GRID2: variants seen among roughly 807,000 people sequenced by gnomAD.
The protein encoded by GRID2 is glutamate receptor ionotropic, delta-2.
In GRID2, 33 loss-of-function variants were observed where a neutral mutation model predicts 114.8. That is an observed-to-expected ratio of 0.29 (90% CI 0.22 to 0.38). The LOEUF (loss-of-function observed/expected upper bound fraction) is 0.38. Among genes scored for constraint, GRID2 ranks in the 10% least tolerant of loss-of-function variants. The probability of loss-of-function intolerance (pLI) is 1.00; values close to 1 mark genes in which losing one functional copy is unlikely to be tolerated. For missense variants in GRID2, 1,184 were observed against 1,257.7 expected (o/e 0.94, Z 0.89); for synonymous variants, 505 against 449.9 (o/e 1.12, Z -1.55).
intron 2 of GRID2, among the ~76,000 whole-genome samples, chr4:92,676,428 C>T (rs1174441395): frequency 3.9e-5 from 6 of 152,092 alleles, no homozygotes; most frequent in South Asian, 2.1e-4. Flanking sequence ...GATCTGCCTG[C>T]CTCAGCCTCC....
At chr4:93,025,272 A>C (rs527498760) in intron 2 of GRID2, among the ~76,000 whole-genome samples, 7 of 151,954 alleles carry the variant, frequency 4.6e-5, no homozygotes, top group Non-Finnish European at 7.4e-5. Flanking sequence ...GTTTATGCCA[A>C]ACAGCATTTC....
intron 1 of GRID2, among the ~76,000 whole-genome samples, chr4:92,548,975 C>T (rs927718330): frequency 3.9e-5 from 6 of 152,018 alleles, no homozygotes; most frequent in African/African-American, 1.2e-4. Context: ...TCACCTCCCA[C>T]CAGGACCCAT....
chr4:93,484,387 C>T (rs1276903000), intron 11 of GRID2, among the ~76,000 whole-genome samples: 2 of 151,694 alleles, frequency 1.3e-5, no homozygotes, highest in African/African-American at 4.8e-5. Flanking sequence ...TCATAAAACC[C>T]ATTAATGGTG....
chr4:92,817,344 A>G (rs1301765069), intron 2 of GRID2, among the ~76,000 whole-genome samples: 4 of 152,024 alleles, frequency 2.6e-5, no homozygotes, highest in African/African-American at 9.7e-5. Flanking sequence ...ATTCCTCTCT[A>G]CAAAACTTTT....
chr4:93,163,356 G>GTATATATA (rs57285537), intron 4 of GRID2, among the ~76,000 whole-genome samples: 19 of 56,230 alleles, frequency 3.4e-4, no homozygotes, highest in East Asian at 4.9e-4. Flanking sequence ...TTTTTTTTGT[G>GTATATATA]TATATATATA....
At position 92,339,539 on chromosome 4, in the gene GRID2, A is replaced by G. The variant is rs967722084; in HGVS notation, c.88+34795A>G. ...TTTCATACATTATTATGATCCTCAT[A>G]GTAACCCTATAAATGGAGATGGAAC... On this transcript the variant is annotated intron_variant, in intron 1 of 15. Transcript: ENST00000282020. Among the ~76,000 whole-genome samples, 8 of 144,096 alleles carry G rather than the reference A, an allele frequency of 5.6e-5. No homozygotes were observed. The South Asian group carries it at 1.7e-3, about 31-fold the overall frequency. 94.5% of individuals were successfully genotyped at this position (144,096 alleles called of 152,430 possible).
intron 5 of GRID2, among the ~76,000 whole-genome samples, chr4:93,209,788 G>A (rs1175338297): frequency 1.3e-5 from 2 of 151,938 alleles, no homozygotes; most frequent in Admixed American, 1.3e-4. Context: ...TTTAATAATA[G>A]CCATTATGAC....
intron 1 of GRID2, among the ~76,000 whole-genome samples, chr4:92,524,896 G>A (rs41432446): frequency 3.3e-5 from 5 of 151,950 alleles, no homozygotes; most frequent in Non-Finnish European, 5.9e-5. Context: ...GAAATTATAC[G>A]AATTTGTACA....
chr4:92,426,717 A>G (rs767179876), intron 1 of GRID2, among the ~76,000 whole-genome samples: 48 of 152,144 alleles, frequency 3.2e-4, no homozygotes, highest in Admixed American at 1.2e-3. Context: ...ATTATGTGAA[A>G]TTATCACATA....
At chr4:93,231,378 C>A (rs568893414) in intron 7 of GRID2, among the ~76,000 whole-genome samples, 1 of 141,712 alleles carries the variant, frequency 7.1e-6, no homozygotes, top group Non-Finnish European at 1.5e-5. Flanking sequence ...GGAATTACCC[C>A]GCACCCCCTG....
chr4:93,070,808 G>A (rs771713091), intron 2 of GRID2, among the ~76,000 whole-genome samples: 1 of 151,974 alleles, frequency 6.6e-6, no homozygotes, highest in Non-Finnish European at 1.5e-5. Context: ...CTTTTGAAAT[G>A]AATGTTTACA....
chr4:93,678,809 G>A (rs1018540764), intron 14 of GRID2, among the ~76,000 whole-genome samples: 1 of 151,090 alleles, frequency 6.6e-6, no homozygotes, highest in Non-Finnish European at 1.5e-5. Context: ...ATCAGTACCA[G>A]CCGCTGCAAA....
At chr4:93,094,327 A>G (rs911279283) in intron 3 of GRID2, among the ~76,000 whole-genome samples, 4 of 152,086 alleles carry the variant, frequency 2.6e-5, no homozygotes, top group South Asian at 2.1e-4. Flanking sequence ...TTGCTATGAA[A>G]AAGATAAATA....
intron 12 of GRID2, among the ~76,000 whole-genome samples, chr4:93,513,395 A>G (rs918811981): frequency 6.6e-6 from 1 of 152,194 alleles, no homozygotes; most frequent in East Asian, 1.9e-4. Context: ...TGCTCTCTTG[A>G]AACAAAATTT....
At chr4:92,645,396 A>G (rs899057083) in intron 2 of GRID2, among the ~76,000 whole-genome samples, 4 of 151,808 alleles carry the variant, frequency 2.6e-5, no homozygotes, top group Admixed American at 6.6e-5. Context: ...TCAAGAAATG[A>G]AAGAAGGCCA....
chr4:92,892,650 T>A (rs1301924393), intron 2 of GRID2, among the ~76,000 whole-genome samples: 1 of 152,160 alleles, frequency 6.6e-6, no homozygotes, highest in Non-Finnish European at 1.5e-5. Context: ...AAACTGCCAG[T>A]TCATGACCCT....
intron 1 of GRID2, among the ~76,000 whole-genome samples, chr4:92,576,525 T>C (rs984373570): frequency 2.0e-5 from 3 of 152,066 alleles, no homozygotes; most frequent in African/African-American, 7.2e-5. Flanking sequence ...CCTAGGGACA[T>C]CTCCTAGGAA....
chr4:92,405,691 T>C (rs1435081763), intron 1 of GRID2, among the ~76,000 whole-genome samples: 2 of 149,300 alleles, frequency 1.3e-5, no homozygotes, highest in East Asian at 2.0e-4. Context: ...AACTGAAAAG[T>C]AGGTAAAAGT....
At chr4:92,863,417 C>T (rs774053389) in intron 2 of GRID2, among the ~76,000 whole-genome samples, 18 of 152,174 alleles carry the variant, frequency 1.2e-4, no homozygotes, top group Non-Finnish European at 2.1e-4. Flanking sequence ...AATACTTAAC[C>T]TGTTCCCCTA....
Sources: allele counts gnomAD v4.1 joint callset (sites outside exome capture counted in the v4.1 genomes callset), GRCh38; gene constraint gnomAD v4.1.1; transcripts MANE v1.5; gene names NCBI Gene and HGNC (gene_info 2026-07-23, HGNC 2026-07-21).